Variants in ACOX3 observed in about 807,000 individuals in gnomAD.
The protein encoded by ACOX3 is peroxisomal acyl-coenzyme A oxidase 3.
ACOX3 carries 73 observed loss-of-function variants against 81.5 expected under a neutral mutation model. That is an observed-to-expected ratio of 0.90 (90% CI 0.74 to 1.09). ACOX3 has a LOEUF of 1.09. Ranked by LOEUF, ACOX3 falls within the 50% of genes least tolerant of loss-of-function variation. The pLI is 0.00. For synonymous variants in ACOX3, 387 were observed against 375.1 expected, an observed-to-expected ratio of 1.03 and a Z score of -0.37; for missense variants, 947 against 928.0, an observed-to-expected ratio of 1.02 and a Z score of -0.27.
At chr4:8,434,912 T>A (rs1724139645) in intron 1 of ACOX3, among the ~76,000 whole-genome samples, 2 of 152,382 alleles carry the variant, frequency 1.3e-5, no homozygotes, top group Middle Eastern at 3.4e-3. Flanking sequence ...GTTTTAGTTT[T>A]GATTTTCCTT....
In ACOX3 at chr4:8,389,411, G is replaced by A. The variant is rs761655620; in HGVS notation, c.1424-125C>T. Reference sequence around the variant, plus strand: ...ACCCGACGGCCACAGACCCACAGGCGAGGGTCTGGGTCTCAAGGACCCTCC... The same window carrying A: ...ACCCGACGGCCACAGACCCACAGGCAAGGGTCTGGGTCTCAAGGACCCTCC... On this transcript the variant is annotated intron_variant, in intron 12 of 17. Coordinates refer to ENST00000356406, the MANE Select transcript of ACOX3 (RefSeq NM_003501.3). This position sits in a 1 kb window ranked among gnomAD's most constrained non-coding sequence, Gnocchi z 5.3. 1.1e-4 allele frequency: 138 copies of A among 1,257,116 alleles called. No individual in the cohort carries two copies. The highest frequency in any genetic ancestry group is 2.0e-4 in the Admixed American group (9 of 46,072). The allele number at this position is 1,257,116 out of a possible 1,614,324, so 77.9% of individuals were successfully genotyped here. A position where few individuals can be genotyped will look rare whatever the true frequency, so the allele number is the denominator to read the frequency against.
At chr4:8,377,958 C>A (rs1717178789) in intron 14 of ACOX3, among the ~76,000 whole-genome samples, 1 of 152,140 alleles carries the variant, frequency 6.6e-6, no homozygotes, top group Non-Finnish European at 1.5e-5. Flanking sequence ...GCCCCCTAGA[C>A]AGGGCGGGGC....
chr4:8,427,131 C>T (rs1723567840), intron 1 of ACOX3, among the ~76,000 whole-genome samples: 1 of 152,126 alleles, frequency 6.6e-6, no homozygotes, highest in African/African-American at 2.4e-5. Flanking sequence ...TCAGCTCACA[C>T]CAGACCAATC....
chr4:8,402,747 CAGG>C (rs1720508510), intron 7 of ACOX3, among the ~76,000 whole-genome samples: 1 of 152,180 alleles, frequency 6.6e-6, no homozygotes, highest in South Asian at 2.1e-4. Context: ...GTGCACAGCA[CAGG>C]AGTTGTGTGT....
rs1369306359 is a variant in ACOX3, at chr4:8,430,002, TG to T, written c.-15+10645del. Among the ~76,000 whole-genome samples, 2 of 152,116 alleles carry T rather than the reference TG, an allele frequency of 1.3e-5. No individual in the cohort carries two copies. Among genetic ancestry groups the T allele is most frequent in the African/African-American group, 4.8e-5 (2 of 41,406 alleles). Reference sequence around the variant, plus strand: ...AAAGATGGGCAGTGCAGCTCAGTTATGGGGAGGAGAAAGAGAAGTACAATTT... The same window carrying T: ...AAAGATGGGCAGTGCAGCTCAGTTATGGGAGGAGAAAGAGAAGTACAATTT... On this transcript the variant is annotated intron_variant, in intron 1 of 17. Transcript: ENST00000356406. This position sits in a 1 kb window ranked among gnomAD's most constrained non-coding sequence, Gnocchi z 5.2.
chr4:8,382,084 G>A lies in ACOX3; in HGVS notation c.1538-477C>T, dbSNP rs1717730507. Among the ~76,000 whole-genome samples the A allele has an allele frequency of 6.6e-6, 1 of 152,204 alleles. No homozygotes were observed. Among genetic ancestry groups the A allele is most frequent in the South Asian group, 2.1e-4 (1 of 4,836 alleles). On this transcript the variant is annotated intron_variant, in intron 13 of 17. Coordinates refer to ENST00000356406, the MANE Select transcript of ACOX3 (RefSeq NM_003501.3). This position sits in a 1 kb window ranked among gnomAD's most constrained non-coding sequence, Gnocchi z 4.1. ...TTCGCCTCCCCCTGCCTGGCCCTTG[G>A]ACCTCACCGCATGCTGGAGCTGTGG...
At chr4:8,395,259 T>A (rs922259362) in intron 9 of ACOX3, among the ~76,000 whole-genome samples, 1 of 1,502 alleles carries the variant, frequency 6.7e-4, no homozygotes. Context: ...GGGGGGTGGG[T>A]GGGTGGGTGG....
intron 11 of ACOX3, among the ~76,000 whole-genome samples, chr4:8,392,118 C>T (rs545569912): frequency 5.1e-4 from 78 of 152,366 alleles, no homozygotes; most frequent in Non-Finnish European, 1.0e-3. Context: ...TCTGTCACAG[C>T]TGCGATTACT....
intron 1 of ACOX3, among the ~76,000 whole-genome samples, chr4:8,435,807 G>A (rs576601501): frequency 1.3e-5 from 2 of 152,282 alleles, no homozygotes; most frequent in Admixed American, 1.3e-4. Context: ...AGTTTTGCAG[G>A]AGCCGCCAGA....
intron 5 of ACOX3, among the ~76,000 whole-genome samples, chr4:8,411,032 G>A (rs1721662687): frequency 6.6e-6 from 1 of 152,252 alleles, no homozygotes; most frequent in South Asian, 2.1e-4. Context: ...GGAACAGGCA[G>A]GAGCTGGGCC....
chr4:8,391,618 A>G (rs1485262970), intron 11 of ACOX3, among the ~76,000 whole-genome samples: 3 of 152,282 alleles, frequency 2.0e-5, no homozygotes, highest in Non-Finnish European at 4.4e-5. Flanking sequence ...TTGGGCACGC[A>G]CTACATGCCA....
At chr4:8,404,928 T>C (rs1720769371) in intron 7 of ACOX3, among the ~76,000 whole-genome samples, 1 of 152,066 alleles carries the variant, frequency 6.6e-6, no homozygotes, top group African/African-American at 2.4e-5. Context: ...GATCAGGCTC[T>C]CGGGGGAGAC....
In ACOX3 at chr4:8,381,480, A is replaced by G. The variant is rs1403577916; in HGVS notation, c.1653+12T>C. On this transcript the variant is annotated intron_variant, in intron 14 of 17. Transcript: ENST00000356406. This position sits in a 1 kb window ranked among gnomAD's most constrained non-coding sequence, Gnocchi z 4.3. ...AATAATACAAAAGGGAATTTTGAAA[A>G]CAAATACTTACCTGGCATTTGTTCC... 2 of 1,606,986 alleles carry G rather than the reference A, an allele frequency of 1.2e-6. No individual in the cohort carries two copies. The highest frequency in any genetic ancestry group is 3.3e-5 in the Admixed American group (2 of 59,728).
At chr4:8,429,333 G>T (rs1723805444) in intron 1 of ACOX3, among the ~76,000 whole-genome samples, 1 of 152,252 alleles carries the variant, frequency 6.6e-6, no homozygotes, top group South Asian at 2.1e-4. Context: ...GTTTAGAAAG[G>T]GGAGGGGAGT....
At chr4:8,391,371 G>C (rs1718981409) in intron 11 of ACOX3, among the ~76,000 whole-genome samples, 1 of 152,216 alleles carries the variant, frequency 6.6e-6, no homozygotes, top group East Asian at 1.9e-4. Flanking sequence ...TGTGTGTGTA[G>C]TTCTAGATAG....
In ACOX3 at chr4:8,431,662, G is replaced by A. The variant is rs935088095; in HGVS notation, c.-15+8986C>T. 1.3e-5 allele frequency among the ~76,000 whole-genome samples: 2 copies of A among 152,238 alleles called. No individual in the cohort carries two copies. Among genetic ancestry groups the A allele is most frequent in the Non-Finnish European group, 2.9e-5 (2 of 68,040 alleles). Reference sequence around the variant, plus strand: ...GTGAAACCACCAGGAGCTGCACGTGGACCCCTAGTGTGAACAGTAGGGGTG... The same window carrying A: ...GTGAAACCACCAGGAGCTGCACGTGAACCCCTAGTGTGAACAGTAGGGGTG... On this transcript the variant is annotated intron_variant, in intron 1 of 17. Coordinates refer to ENST00000356406, the MANE Select transcript of ACOX3 (RefSeq NM_003501.3). This position sits in a 1 kb window ranked among gnomAD's most constrained non-coding sequence, Gnocchi z 5.3.
intron 1 of ACOX3, among the ~76,000 whole-genome samples, chr4:8,421,695 A>G (rs562647732): frequency 1.1e-4 from 16 of 152,308 alleles, no homozygotes; most frequent in African/African-American, 3.1e-4. Context: ...AGGAAGCTCT[A>G]CGCTGTGTCC....
At position 8,368,018 on chromosome 4, in the gene ACOX3, GGCAGTGGACAC is replaced by G. The variant is rs1715687565; in HGVS notation, c.1984-949_1984-939del. Among the ~76,000 whole-genome samples, 1 of 151,638 alleles carries G rather than the reference GGCAGTGGACAC, an allele frequency of 6.6e-6. No individual in the cohort carries two copies. The highest frequency in any genetic ancestry group is 2.4e-5 in the African/African-American group (1 of 41,276). On this transcript the variant is annotated intron_variant, in intron 17 of 17. Transcript: ENST00000356406. This position sits in a 1 kb window ranked among gnomAD's most constrained non-coding sequence, Gnocchi z 5.9. ...AAAAAAAAAAAAAAGAACTGATCGT[GGCAGTGGACAC>G]GCTGTTTCTTAGTAACTGCAGCCAC...
chr4:8,424,782 C>T (rs182647241), intron 1 of ACOX3, among the ~76,000 whole-genome samples: 9 of 152,320 alleles, frequency 5.9e-5, no homozygotes, highest in Non-Finnish European at 1.0e-4. Flanking sequence ...AAACCTACGC[C>T]GCTCGAGGGG....
Sources: gnomAD v4.1 joint callset for allele counts (sites outside exome capture counted in the v4.1 genomes callset) on GRCh38, gnomAD v4.1.1 for gene constraint, Gnocchi (gnomAD v3.1) non-coding constraint, MANE v1.5 for transcripts, NCBI Gene and HGNC (gene_info 2026-07-23, HGNC 2026-07-21) for gene names.